SLC39A11: variants seen among roughly 807,000 people sequenced by gnomAD.
The protein encoded by SLC39A11 is zinc transporter ZIP11.
A neutral mutation model predicts 36.1 loss-of-function variants in SLC39A11; 33 were observed. The ratio of observed to expected loss-of-function variants is 0.91; its 90% CI spans 0.69 to 1.22. The LOEUF (loss-of-function observed/expected upper bound fraction) is 1.22, where lower values mean the gene tolerates loss of function less well. Ranked by LOEUF, SLC39A11 falls within the 50% of genes most tolerant of loss-of-function variation. The pLI, the probability that SLC39A11 is intolerant of heterozygous loss-of-function variation, is 0.00. For missense variants in SLC39A11, 432 were observed against 430.3 expected, an observed-to-expected ratio of 1.00 and a Z score of -0.03; for synonymous variants, 166 against 170.3, an observed-to-expected ratio of 0.97 and a Z score of 0.20.
chr17:72,777,869 A>ATATATATGTATG (rs1555669316), intron 6 of SLC39A11, among the ~76,000 whole-genome samples: 2 of 149,956 alleles, frequency 1.3e-5, no homozygotes, highest in Non-Finnish European at 3.0e-5. Context: ...ATGTATGTAT[A>ATATATATGTATG]TATGTATGTA....
intron 6 of SLC39A11, among the ~76,000 whole-genome samples, chr17:72,761,829 C>G (rs2567539): frequency 0.2 from 29,836 of 152,130 alleles, 3,431 homozygotes; most frequent in East Asian, 0.4. Context: ...CTCAGATCAA[C>G]AGGCATCAAA....
chr17:72,844,013 C>A (rs2078939197), intron 6 of SLC39A11, among the ~76,000 whole-genome samples: 1 of 151,020 alleles, frequency 6.6e-6, no homozygotes. Flanking sequence ...ACTGAAATAG[C>A]AAAGACAAAA....
At position 73,083,015 on chromosome 17, in the gene SLC39A11, CA is replaced by C. The variant is rs34607510; in HGVS notation, c.147+1792del. Among the ~76,000 whole-genome samples, 800 of 89,762 alleles carry C rather than the reference CA, an allele frequency of 8.9e-3. 9 individuals carry two copies. The highest frequency in any genetic ancestry group is 0.029 in the African/African-American group (643 of 22,218). The allele number at this position is 89,762 out of a possible 152,430, so 58.9% of individuals were successfully genotyped here. On this transcript the variant is annotated intron_variant, in intron 3 of 9. Coordinates refer to ENST00000255559, the MANE Select transcript of SLC39A11 (RefSeq NM_139177.4). ...TGGACAACAGAGGGAGACTCCATTT[CA>C]AAAAAAAAAAAAAAAAAAATGGACT...
chr17:73,034,352 A>G (rs1428672584), intron 3 of SLC39A11, among the ~76,000 whole-genome samples: 2 of 152,196 alleles, frequency 1.3e-5, no homozygotes, highest in East Asian at 3.9e-4. Flanking sequence ...CCTCCCAAGT[A>G]GCTGGGATTG....
chr17:72,704,871 C>A (rs2072822407), intron 7 of SLC39A11, among the ~76,000 whole-genome samples: 1 of 152,132 alleles, frequency 6.6e-6, no homozygotes, highest in Admixed American at 6.5e-5. Context: ...CCAAGTTGGT[C>A]TATTAGGATT....
At chr17:72,995,070 C>T (rs1427001312) in intron 4 of SLC39A11, among the ~76,000 whole-genome samples, 3 of 152,174 alleles carry the variant, frequency 2.0e-5, no homozygotes, top group African/African-American at 7.2e-5. Context: ...ATATATGATA[C>T]AGCCCTGCCT....
intron 6 of SLC39A11, among the ~76,000 whole-genome samples, chr17:72,781,573 G>A (rs377628428): frequency 2.0e-5 from 3 of 152,094 alleles, no homozygotes; most frequent in Non-Finnish European, 2.9e-5. Context: ...ACAGGCACCC[G>A]CCACCATGCC....
At chr17:72,750,665 G>T (rs73351061) in intron 6 of SLC39A11, among the ~76,000 whole-genome samples, 2,128 of 152,126 alleles carry the variant, frequency 0.014, 41 homozygotes, top group African/African-American at 0.048. Flanking sequence ...AAAAGATTCT[G>T]AAGTCTCAGA....
At chr17:72,936,411 T>TAAAAAAAAAA (rs746428868) in intron 5 of SLC39A11, among the ~76,000 whole-genome samples, 6 of 73,446 alleles carry the variant, frequency 8.2e-5, no homozygotes, top group African/African-American at 2.0e-4. Context: ...TGAAAAAAAG[T>TAAAAAAAAAA]AAAAAAAAAA....
At chr17:72,841,460 T>G (rs1356532500) in intron 6 of SLC39A11, among the ~76,000 whole-genome samples, 1 of 152,140 alleles carries the variant, frequency 6.6e-6, no homozygotes, top group African/African-American at 2.4e-5. Context: ...AAGACAAACT[T>G]CTCATGTTCT....
At chr17:72,957,830 AC>A (rs1180399556) in intron 4 of SLC39A11, among the ~76,000 whole-genome samples, 21 of 140,234 alleles carry the variant, frequency 1.5e-4, no homozygotes, top group Middle Eastern at 3.6e-3. Flanking sequence ...AAAAAAAAAA[AC>A]AAACAAAAAT....
Position 72,904,567 on chromosome 17 carries a change from G to A in SLC39A11, c.430+43185C>T, listed in dbSNP as rs147674558. 5.1e-3 allele frequency among the ~76,000 whole-genome samples: 774 copies of A among 152,208 alleles called. 4 individuals carry two copies. The highest frequency in any genetic ancestry group is 9.4e-3 in the Admixed American group (144 of 15,286). On this transcript the variant is annotated intron_variant, in intron 5 of 9. Transcript: ENST00000255559. ...ATGTGGTGAAGGGAGGGCTCGCCTC[G>A]CAGCAACAAGGAAGGTCCCAGAGCA... is the stretch of plus-strand genomic sequence containing the variant.
intron 3 of SLC39A11, among the ~76,000 whole-genome samples, chr17:73,072,043 T>C (rs1296926042): frequency 1.3e-5 from 2 of 152,304 alleles, no homozygotes; most frequent in Admixed American, 1.3e-4. Flanking sequence ...CCTTTTCCTA[T>C]AGAGCAACTA....
intron 7 of SLC39A11, among the ~76,000 whole-genome samples, chr17:72,698,065 C>A (rs776797881): frequency 6.6e-6 from 1 of 152,168 alleles, no homozygotes. Flanking sequence ...TTGTTCTACG[C>A]GGGCCTGGTT....
chr17:72,719,388 G>A (rs571335744), intron 7 of SLC39A11, among the ~76,000 whole-genome samples: 1 of 152,256 alleles, frequency 6.6e-6, no homozygotes, highest in South Asian at 2.1e-4. Context: ...AGTGCCACAT[G>A]TCCCCACGAG....
At chr17:72,672,839 G>A (rs1013204056) in intron 7 of SLC39A11, among the ~76,000 whole-genome samples, 2 of 152,118 alleles carry the variant, frequency 1.3e-5, no homozygotes, top group African/African-American at 4.8e-5. Context: ...GAACTCTGGG[G>A]CTCAAATGAT....
At chr17:72,771,737 G>A (rs1207131865) in intron 6 of SLC39A11, among the ~76,000 whole-genome samples, 2 of 152,208 alleles carry the variant, frequency 1.3e-5, no homozygotes, top group Admixed American at 1.3e-4. Context: ...AAAAAACGAT[G>A]TGTGATTTAC....
At chr17:73,007,582 A>G (rs1053716735) in intron 4 of SLC39A11, among the ~76,000 whole-genome samples, 1 of 152,148 alleles carries the variant, frequency 6.6e-6, no homozygotes, top group African/African-American at 2.4e-5. Context: ...GAAAAGGCTC[A>G]AAAAGACAAA....
At chr17:72,674,716 G>A (rs182283352) in intron 7 of SLC39A11, among the ~76,000 whole-genome samples, 1 of 152,278 alleles carries the variant, frequency 6.6e-6, no homozygotes, top group Non-Finnish European at 1.5e-5. Flanking sequence ...TAATTTCACA[G>A]TTTTACATTT....
Sources: gnomAD v4.1 joint callset for allele counts (sites outside exome capture counted in the v4.1 genomes callset) on GRCh38, gnomAD v4.1.1 for gene constraint, MANE v1.5 for transcripts, NCBI Gene and HGNC (gene_info 2026-07-23, HGNC 2026-07-21) for gene names.